LARP4: variants seen among roughly 807,000 people sequenced by gnomAD.
The protein encoded by LARP4 is la-related protein 4.
A neutral mutation model predicts 92.9 loss-of-function variants in LARP4; 29 were observed. The observed-to-expected ratio is 0.31, with a 90% CI of 0.23 to 0.43. LARP4 has a LOEUF of 0.43. Ranked by LOEUF, LARP4 falls within the 20% of genes least tolerant of loss-of-function variation. The pLI is 1.00. For missense variants in LARP4, 732 were observed against 860.0 expected (o/e 0.85, Z 1.86); for synonymous variants, 279 against 284.1 (o/e 0.98, Z 0.18).
chr12:50,417,767 T>A (rs1947081905), intron 1 of LARP4, among the ~76,000 whole-genome samples: 1 of 152,192 alleles, frequency 6.6e-6, no homozygotes, highest in Non-Finnish European at 1.5e-5. Flanking sequence ...CAGTCTTGGG[T>A]CACTGTAGCC....
At position 50,425,133 on chromosome 12, in the gene LARP4, C is replaced by T. The variant is rs151264025; in HGVS notation, c.19-2629C>T. ...CTGCACTCCAGCCTGGGCAACAGAGCGAGACTCCGTCTCAAAAAGGAAGAA... is the reference window on the plus strand; with the variant it reads ...CTGCACTCCAGCCTGGGCAACAGAGTGAGACTCCGTCTCAAAAAGGAAGAA... On this transcript the variant is annotated intron_variant, in intron 1 of 15. Coordinates refer to ENST00000398473, the MANE Select transcript of LARP4 (RefSeq NM_052879.5). Among the ~76,000 whole-genome samples, 571 of 151,824 alleles carry T rather than the reference C, an allele frequency of 3.8e-3. 4 individuals carry two copies. The highest frequency in any genetic ancestry group is 0.013 in the African/African-American group (534 of 41,368).
At position 50,437,797 on chromosome 12, in the gene LARP4, A is replaced by G. The variant is rs772226829; in HGVS notation, c.598A>G (p.Ile200Val). The change falls in exon 6 of 16, where the codon ATT (isoleucine) becomes GTT (valine). Residue 200 changes from isoleucine (I) to valine (V), a missense_variant. Transcript: ENST00000398473. ...EKVRPSHKRC[I>V]VILREIPETT... ...AGTGAGACCAAGTCATAAGCGTTGT[A>G]TTGTAATTCTTAGAGAGATTCCTGA... The G allele has an allele frequency of 1.3e-5, 21 of 1,610,694 alleles. No individual in the cohort carries two copies. The highest frequency in any genetic ancestry group is 1.0e-4 in the Admixed American group (6 of 59,962).
intron 2 of LARP4, among the ~76,000 whole-genome samples, chr12:50,428,281 G>T (rs1335064228): frequency 6.6e-6 from 1 of 152,074 alleles, no homozygotes; most frequent in African/African-American, 2.4e-5. Flanking sequence ...ACCAGCCTCG[G>T]CCTCCCAAAG....
intron 4 of LARP4, among the ~76,000 whole-genome samples, chr12:50,432,752 C>T (rs553374810): frequency 6.7e-6 from 1 of 150,364 alleles, no homozygotes; most frequent in East Asian, 2.0e-4. Context: ...CCCAGTTACT[C>T]GAGAGGCTGA....
chr12:50,402,122 A>AT (rs201135921), intron 1 of LARP4, among the ~76,000 whole-genome samples: 5 of 151,590 alleles, frequency 3.3e-5, no homozygotes, highest in African/African-American at 7.3e-5. Flanking sequence ...CCTATGGCAG[A>AT]TTTTTTTTTC....
chr12:50,433,983 C>G (rs771636877), intron 4 of LARP4, among the ~76,000 whole-genome samples: 18 of 152,152 alleles, frequency 1.2e-4, no homozygotes, highest in Non-Finnish European at 2.1e-4. Context: ...TGAGCCTGCT[C>G]CTTGCCAGGC....
intron 10 of LARP4, among the ~76,000 whole-genome samples, chr12:50,456,430 C>T (rs1040524983): frequency 6.6e-6 from 1 of 152,120 alleles, no homozygotes; most frequent in Non-Finnish European, 1.5e-5. Flanking sequence ...CAACCCAAAT[C>T]CTTGTTTCCT....
chr12:50,401,047 T>A lies in LARP4; in HGVS notation c.18+19T>A. 6.2e-7 allele frequency: 1 copy of A among 1,613,902 alleles called. No homozygotes were observed. Among genetic ancestry groups the A allele is most frequent in the Non-Finnish European group, 8.5e-7 (1 of 1,179,890 alleles). ...CGTGGAGGTGAGTGCATTATGCTAG[T>A]CTCGTCCTGCTCTTAGGAGAGCAGG... On this transcript the variant is annotated intron_variant, in intron 1 of 15. Coordinates refer to ENST00000398473, the MANE Select transcript of LARP4 (RefSeq NM_052879.5).
chr12:50,470,508 A>G (rs555441041), intron 13 of LARP4, among the ~76,000 whole-genome samples: 1 of 151,474 alleles, frequency 6.6e-6, no homozygotes, highest in Admixed American at 6.6e-5. Context: ...ATCTCGGCTC[A>G]CTGCAACCTC....
At chr12:50,406,778 A>G (rs1405166493) in intron 1 of LARP4, among the ~76,000 whole-genome samples, 2 of 152,124 alleles carry the variant, frequency 1.3e-5, no homozygotes, top group East Asian at 1.9e-4. Flanking sequence ...GTGCAGTTGC[A>G]TGATCTCGGC....
intron 12 of LARP4, among the ~76,000 whole-genome samples, chr12:50,463,418 TCCAAAAAAAAAA>T (rs1282930651): frequency 3.3e-3 from 105 of 32,220 alleles, no homozygotes; most frequent in African/African-American, 7.8e-3. Context: ...ACCCCATCTC[TCCAAAAAAAAAA>T]AAAAAAAAAA....
chr12:50,449,607 C>A (rs1248397793), intron 8 of LARP4, among the ~76,000 whole-genome samples: 2 of 152,148 alleles, frequency 1.3e-5, no homozygotes, highest in African/African-American at 4.8e-5. Flanking sequence ...AGAGAGGATA[C>A]AAAAGCTAGC....
At chr12:50,426,684 G>GGTGTGTGTGC (rs1948760557) in intron 1 of LARP4, among the ~76,000 whole-genome samples, 1 of 86,174 alleles carries the variant, frequency 1.2e-5, no homozygotes, top group Non-Finnish European at 2.1e-5. Flanking sequence ...TTATGTTTGG[G>GGTGTGTGTGC]GTGTGTGTGT....
At chr12:50,418,701 A>G (rs1054582818) in intron 1 of LARP4, among the ~76,000 whole-genome samples, 1 of 152,060 alleles carries the variant, frequency 6.6e-6, no homozygotes, top group African/African-American at 2.4e-5. Context: ...GATTAAAGGC[A>G]TGAGTCACCA....
At chr12:50,417,231 C>T (rs1417786699) in intron 1 of LARP4, among the ~76,000 whole-genome samples, 1 of 151,550 alleles carries the variant, frequency 6.6e-6, no homozygotes, top group African/African-American at 2.4e-5. Flanking sequence ...AAGATGGTGA[C>T]ACTCCATGGT....
chr12:50,445,178 A>G (rs1318491244), intron 8 of LARP4, among the ~76,000 whole-genome samples: 2 of 152,170 alleles, frequency 1.3e-5, no homozygotes, highest in Admixed American at 6.5e-5. Context: ...TGTTGGGACT[A>G]TAGACGTGAG....
At chr12:50,433,804 TAA>T (rs944451294) in intron 4 of LARP4, among the ~76,000 whole-genome samples, 18 of 152,128 alleles carry the variant, frequency 1.2e-4, no homozygotes, top group African/African-American at 4.1e-4. Context: ...CGTGCCTGGC[TAA>T]GTTTTGTGTT....
At chr12:50,465,172 G>C (rs1235335383) in intron 12 of LARP4, among the ~76,000 whole-genome samples, 3 of 151,514 alleles carry the variant, frequency 2.0e-5, no homozygotes, top group Non-Finnish European at 4.4e-5. Context: ...AGGATTTCAA[G>C]ACCATCCTGG....
chr12:50,467,226 A>G, intron 13 of LARP4, 106 bp downstream of exon 13: 1 of 827,362 alleles, frequency 1.2e-6, no homozygotes, highest in African/African-American at 1.7e-5. Context: ...TTTCTATCAT[A>G]GTTTTTATTT....
Sources: allele counts gnomAD v4.1 joint callset (sites outside exome capture counted in the v4.1 genomes callset), GRCh38; gene constraint gnomAD v4.1.1; transcripts MANE v1.5; gene names NCBI Gene and HGNC (gene_info 2026-07-23, HGNC 2026-07-21).